AAMDC: variants seen among roughly 807,000 people sequenced by gnomAD.
AAMDC encodes the protein adipogenesis associated Mth938 domain containing, also known as mth938 domain-containing protein.
AAMDC carries 16 observed loss-of-function variants against 15.5 expected under a neutral mutation model. The ratio of observed to expected loss-of-function variants is 1.03; its 90% CI spans 0.70 to 1.57. AAMDC has a LOEUF of 1.57. Among genes scored for constraint, AAMDC ranks in the 40% most tolerant of loss-of-function variants. The pLI is 0.00. For missense variants in AAMDC, 141 were observed against 144.9 expected, an observed-to-expected ratio of 0.97 and a Z score of 0.14; for synonymous variants, 51 against 51.6, an observed-to-expected ratio of 0.99 and a Z score of 0.05.
chr11:77,849,484 A>C (rs1376138994), intron 2 of AAMDC, among the ~76,000 whole-genome samples: 2 of 152,196 alleles, frequency 1.3e-5, no homozygotes, highest in East Asian at 1.9e-4. Flanking sequence ...TCGGCCTCTC[A>C]AAGTGCTGGG....
chr11:77,825,755 G>C (rs557959469), intron 1 of AAMDC, among the ~76,000 whole-genome samples: 18 of 150,662 alleles, frequency 1.2e-4, no homozygotes, highest in African/African-American at 4.4e-4. Flanking sequence ...GCAGTGGCAC[G>C]ATCTAGGCTC....
At chr11:77,821,484 G>A (rs2082092428) in intron 1 of AAMDC, among the ~76,000 whole-genome samples, 1 of 152,102 alleles carries the variant, frequency 6.6e-6, no homozygotes, top group Admixed American at 6.5e-5. Flanking sequence ...AGCTTTGCTG[G>A]AAAAGCAGGA....
At chr11:77,876,701 C>T (rs900529893), downstream of AAMDC, among the ~76,000 whole-genome samples, 1 of 152,038 alleles carries the variant, frequency 6.6e-6, no homozygotes, top group East Asian at 1.9e-4. Context: ...GCATGTCTAC[C>T]TTTGATGGAA....
At chr11:77,884,659 A>G (rs1951922827) in intron 5 of AAMDC, 1 of 226,856 alleles carries the variant, frequency 4.4e-6, no homozygotes, top group Non-Finnish European at 9.6e-6. Flanking sequence ...ACTGTGGTCA[A>G]TGTTGAAACT....
At chr11:77,826,614 C>G (rs1013663784) in intron 1 of AAMDC, among the ~76,000 whole-genome samples, 1 of 152,170 alleles carries the variant, frequency 6.6e-6, no homozygotes, top group African/African-American at 2.4e-5. Context: ...AAGTACACTC[C>G]TGCTACACTG....
chr11:77,901,808 C>G (rs1200779723), downstream of AAMDC, among the ~76,000 whole-genome samples: 1 of 151,792 alleles, frequency 6.6e-6, no homozygotes, highest in Non-Finnish European at 1.5e-5. Context: ...AGTTTAATCA[C>G]TAAGCAAACT....
intron 2 of AAMDC, chr11:77,866,352 C>T (rs1025628122): frequency 7.9e-5 from 12 of 152,304 alleles, no homozygotes; most frequent in African/African-American, 2.6e-4. Flanking sequence ...GAATCAGACA[C>T]TCAATAGGAA....
At chr11:77,838,317 T>C (rs377456168) in intron 1 of AAMDC, among the ~76,000 whole-genome samples, 1 of 152,214 alleles carries the variant, frequency 6.6e-6, no homozygotes, top group African/African-American at 2.4e-5. Context: ...CTTGTAGATA[T>C]GGTTAACATC....
downstream of AAMDC, among the ~76,000 whole-genome samples, chr11:77,872,685 C>T (rs947676030): frequency 2.0e-5 from 3 of 152,290 alleles, no homozygotes; most frequent in South Asian, 4.1e-4. Context: ...CCATGGCTCA[C>T]GCCTGTAATC....
chr11:77,846,286 G>T (rs572026065), intron 2 of AAMDC, among the ~76,000 whole-genome samples: 2 of 152,030 alleles, frequency 1.3e-5, no homozygotes, highest in Admixed American at 1.3e-4. Flanking sequence ...ATTCATTTTT[G>T]TAATTTAGAT....
downstream of AAMDC, among the ~76,000 whole-genome samples, chr11:77,873,604 G>C (rs1318085352): frequency 6.6e-6 from 1 of 152,090 alleles, no homozygotes; most frequent in Non-Finnish European, 1.5e-5. Flanking sequence ...TCCTGCCTTT[G>C]GGAATTATGT....
At chr11:77,895,960 T>C (rs1251565747) in intron 5 of AAMDC, among the ~76,000 whole-genome samples, 2 of 152,126 alleles carry the variant, frequency 1.3e-5, no homozygotes, top group African/African-American at 2.4e-5. Flanking sequence ...AAATTACCAA[T>C]TTAAACTAGT....
At chr11:77,895,478 G>A (rs1591022250) in intron 5 of AAMDC, among the ~76,000 whole-genome samples, 1 of 137,304 alleles carries the variant, frequency 7.3e-6, no homozygotes, top group East Asian at 2.3e-4. Context: ...GGGGTAGATG[G>A]CAAATGGAAA....
At chr11:77,873,752 A>G (rs764012439), downstream of AAMDC, among the ~76,000 whole-genome samples, 7 of 152,260 alleles carry the variant, frequency 4.6e-5, no homozygotes, top group Non-Finnish European at 1.0e-4. Flanking sequence ...AGACATCACT[A>G]AGGAGATGAC....
intron 5 of AAMDC, chr11:77,878,711 T>C: frequency 1.4e-6 from 1 of 695,228 alleles, no homozygotes; most frequent in Non-Finnish European, 2.6e-6. Flanking sequence ...GACCAGGAAC[T>C]AGAACAGCTT....
intron 1 of AAMDC, among the ~76,000 whole-genome samples, chr11:77,834,441 GTTT>G (rs11438814): frequency 2.8e-5 from 3 of 105,522 alleles, no homozygotes; most frequent in Non-Finnish European, 5.6e-5. Flanking sequence ...AGTTGATTTT[GTTT>G]TTTTTTTTTT....
chr11:77,891,295 C>T, intron 5 of AAMDC: 2 of 1,606,310 alleles, frequency 1.2e-6, no homozygotes, highest in Non-Finnish European at 1.7e-6. Flanking sequence ...CTAGAAGCTC[C>T]ATGAGGACCC....
chr11:77,866,850 T>C (rs897554189), intron 2 of AAMDC: 4 of 149,564 alleles, frequency 2.7e-5, no homozygotes, highest in African/African-American at 1.0e-4. Context: ...TTCTTTTTCC[T>C]TTTTTTTGAG....
At chr11:77,851,477 G>A (rs1250953418) in intron 2 of AAMDC, 1 of 152,146 alleles carries the variant, frequency 6.6e-6, no homozygotes, top group Non-Finnish European at 1.5e-5. Flanking sequence ...TTCTAAAGCT[G>A]GTTGTTGTGG....
Sources: allele counts gnomAD v4.1 joint callset (sites outside exome capture counted in the v4.1 genomes callset), GRCh38; gene constraint gnomAD v4.1.1; transcripts MANE v1.5; gene names NCBI Gene and HGNC (gene_info 2026-07-23, HGNC 2026-07-21).